FRMPD4: variants seen among roughly 807,000 people sequenced by gnomAD.
FRMPD4 encodes the protein FERM and PDZ domain-containing protein 4.
Under a neutral mutation model 94.1 loss-of-function variants are expected in FRMPD4, and 22 were observed. That is an observed-to-expected ratio of 0.23 (90% CI 0.17 to 0.33). The LOEUF (loss-of-function observed/expected upper bound fraction) is 0.33. Ranked by LOEUF, FRMPD4 falls within the 10% of genes least tolerant of loss-of-function variation. The pLI, the probability that FRMPD4 is intolerant of heterozygous loss-of-function variation, is 1.00. For missense variants in FRMPD4, 1,111 were observed against 1,339.9 expected (o/e 0.83, Z 2.67); for synonymous variants, 631 against 548.6 (o/e 1.15, Z -2.10).
At chrX:12,414,172 T>C (rs1371860416) in intron 1 of FRMPD4, among the ~76,000 whole-genome samples, 1 of 112,586 alleles carries the variant, frequency 8.9e-6, no homozygotes, top group East Asian at 2.8e-4. Flanking sequence ...CCTTTCACAT[T>C]AATATCCTCA....
chrX:12,421,357 A>T (rs192300101), intron 1 of FRMPD4, among the ~76,000 whole-genome samples: 15 of 112,201 alleles, frequency 1.3e-4, no homozygotes, highest in African/African-American at 4.9e-4. Context: ...CACAACACAT[A>T]TGTTCTAATC....
intron 1 of FRMPD4, among the ~76,000 whole-genome samples, chrX:12,458,624 G>T (rs1348639134): frequency 9.0e-6 from 1 of 111,648 alleles, no homozygotes; most frequent in Non-Finnish European, 1.9e-5. Flanking sequence ...GTGATCTCAG[G>T]GTTCCAAGAG....
At chrX:12,702,865 G>A (rs567119007) in intron 10 of FRMPD4, among the ~76,000 whole-genome samples, 5 of 112,202 alleles carry the variant, frequency 4.5e-5, no homozygotes, top group African/African-American at 1.3e-4. Context: ...ACACATAAGC[G>A]TGACTGTAGC....
chrX:12,568,622 TG>T (rs2058734631), intron 2 of FRMPD4, among the ~76,000 whole-genome samples: 1 of 112,264 alleles, frequency 8.9e-6, no homozygotes. Flanking sequence ...TGATATCTTG[TG>T]GGCAATGGGC....
At chrX:12,296,988 C>T (rs1168895358) in intron 1 of FRMPD4, among the ~76,000 whole-genome samples, 1 of 112,415 alleles carries the variant, frequency 8.9e-6, no homozygotes, top group East Asian at 2.8e-4. Context: ...TGTGCTTCGA[C>T]AGGTACTCAC....
At chrX:12,347,523 A>G (rs142650121) in intron 1 of FRMPD4, among the ~76,000 whole-genome samples, 2,870 of 111,934 alleles carry the variant, frequency 0.026, 51 homozygotes, top group Non-Finnish European at 0.036. Context: ...GGCGTGAGCC[A>G]CAATGCCTGA....
intron 1 of FRMPD4, among the ~76,000 whole-genome samples, chrX:12,168,751 GA>G (rs2056169099): frequency 9.4e-6 from 1 of 106,276 alleles, no homozygotes; most frequent in Admixed American, 1.0e-4. Context: ...TCAGCCTCCT[GA>G]GTAGCTGGGA....
intron 1 of FRMPD4, among the ~76,000 whole-genome samples, chrX:12,243,089 C>T (rs1198987900): frequency 1.8e-5 from 2 of 111,858 alleles, no homozygotes; most frequent in Non-Finnish European, 3.8e-5. Flanking sequence ...TCTATGTTAC[C>T]CAGGATGATT....
chrX:12,415,515 G>C (rs867267680), intron 1 of FRMPD4, among the ~76,000 whole-genome samples: 3 of 111,541 alleles, frequency 2.7e-5, no homozygotes, highest in South Asian at 3.8e-4. Context: ...CACCCCCTTA[G>C]GTTTTTCTAT....
At chrX:12,304,021 C>T (rs1219424478) in intron 1 of FRMPD4, among the ~76,000 whole-genome samples, 1 of 112,263 alleles carries the variant, frequency 8.9e-6, no homozygotes, top group Non-Finnish European at 1.9e-5. Context: ...CAAGACTGAA[C>T]TTGATCACTG....
intron 1 of FRMPD4, among the ~76,000 whole-genome samples, chrX:12,446,525 C>A (rs1240389393): frequency 8.9e-6 from 1 of 111,914 alleles, no homozygotes; most frequent in Non-Finnish European, 1.9e-5. Context: ...ATTATTCCCA[C>A]GTGTTGTGGG....
chrX:11,923,590 AG>A (rs912189872), intron 3 of FRMPD4, among the ~76,000 whole-genome samples: 2 of 112,099 alleles, frequency 1.8e-5, no homozygotes, highest in African/African-American at 6.5e-5. Flanking sequence ...TCCAAGCTTG[AG>A]GAGCCAGAGA....
intron 1 of FRMPD4, among the ~76,000 whole-genome samples, chrX:12,470,157 T>C (rs933976884): frequency 8.9e-5 from 10 of 111,835 alleles, no homozygotes; most frequent in African/African-American, 2.6e-4. Flanking sequence ...AAAATCAGTA[T>C]ATTGGTGAGA....
At chrX:12,604,209 C>T (rs775911810) in intron 2 of FRMPD4, among the ~76,000 whole-genome samples, 10 of 110,702 alleles carry the variant, frequency 9.0e-5, no homozygotes, top group Non-Finnish European at 1.7e-4. Flanking sequence ...GTTGAAAGGA[C>T]GTATGCCTGT....
intron 3 of FRMPD4, among the ~76,000 whole-genome samples, chrX:12,069,447 T>C (rs1420490930): frequency 8.9e-6 from 1 of 111,923 alleles, no homozygotes; most frequent in African/African-American, 3.2e-5. Flanking sequence ...CAACTTGTGA[T>C]GGCATCTTAA....
intron 1 of FRMPD4, among the ~76,000 whole-genome samples, chrX:12,483,913 TA>T (rs747419194): frequency 1.8e-5 from 2 of 112,060 alleles, no homozygotes; most frequent in East Asian, 5.5e-4. Flanking sequence ...TATCCCTAAG[TA>T]TTAACTTTAA....
chrX:12,658,927 T>TA (rs1204558943), intron 4 of FRMPD4, among the ~76,000 whole-genome samples: 1 of 112,141 alleles, frequency 8.9e-6, no homozygotes, highest in African/African-American at 3.2e-5. Context: ...GTGACCTTTT[T>TA]AAAACATGTA....
At chrX:12,041,591 C>T (rs1182837985) in intron 3 of FRMPD4, among the ~76,000 whole-genome samples, 2 of 108,260 alleles carry the variant, frequency 1.8e-5, no homozygotes, top group African/African-American at 3.4e-5. Context: ...TTCTCTTTGT[C>T]TTTGGCTTTT....
At chrX:11,846,131 C>T (rs1455495486) in intron 1 of FRMPD4, among the ~76,000 whole-genome samples, 1 of 109,883 alleles carries the variant, frequency 9.1e-6, no homozygotes, top group Non-Finnish European at 1.9e-5. Flanking sequence ...CTAGAAAACC[C>T]CACTGTCTCA....
Sources: gnomAD v4.1 joint callset for allele counts (sites outside exome capture counted in the v4.1 genomes callset) on GRCh38, gnomAD v4.1.1 for gene constraint, MANE v1.5 for transcripts, NCBI Gene and HGNC (gene_info 2026-07-23, HGNC 2026-07-21) for gene names.